FSTL5: variants seen among roughly 807,000 people sequenced by gnomAD.
FSTL5 encodes follistatin-related protein 5.
In FSTL5, 62 loss-of-function variants were observed where a neutral mutation model predicts 89.1. The observed-to-expected ratio is 0.70, with a 90% CI of 0.57 to 0.86. FSTL5 has a LOEUF of 0.86. Among genes scored for constraint, FSTL5 ranks in the 40% least tolerant of loss-of-function variants. The pLI is 0.00. For missense variants in FSTL5, 1,057 were observed against 1,001.6 expected, an observed-to-expected ratio of 1.06 and a Z score of -0.75; for synonymous variants, 383 against 346.2, an observed-to-expected ratio of 1.11 and a Z score of -1.18.
At chr4:161,516,694 T>A (rs1730847604) in intron 10 of FSTL5, among the ~76,000 whole-genome samples, 1 of 135,822 alleles carries the variant, frequency 7.4e-6, no homozygotes, top group Non-Finnish European at 1.5e-5. Context: ...TATAGTGAAT[T>A]TATTATATGT....
intron 3 of FSTL5, among the ~76,000 whole-genome samples, chr4:161,929,517 A>G (rs989505841): frequency 3.3e-5 from 5 of 151,588 alleles, no homozygotes; most frequent in Non-Finnish European, 7.4e-5. Flanking sequence ...GGGATTTTCA[A>G]TTGTGTGATA....
At chr4:161,648,261 A>G (rs1736218619) in intron 7 of FSTL5, among the ~76,000 whole-genome samples, 1 of 152,162 alleles carries the variant, frequency 6.6e-6, no homozygotes, top group African/African-American at 2.4e-5. Flanking sequence ...CAAAACTAAA[A>G]GAGCACCCTG....
intron 1 of FSTL5, among the ~76,000 whole-genome samples, chr4:162,162,021 T>A (rs1466562142): frequency 6.6e-6 from 1 of 152,076 alleles, no homozygotes; most frequent in Non-Finnish European, 1.5e-5. Flanking sequence ...TAATTTAAGA[T>A]CACATGACTG....
intron 6 of FSTL5, among the ~76,000 whole-genome samples, chr4:161,671,954 T>A (rs1225094281): frequency 6.6e-6 from 1 of 152,284 alleles, no homozygotes; most frequent in South Asian, 2.1e-4. Flanking sequence ...AGGAAAGCAA[T>A]CTGATTATCC....
At chr4:161,691,079 T>C (rs958175319) in intron 6 of FSTL5, among the ~76,000 whole-genome samples, 5 of 152,174 alleles carry the variant, frequency 3.3e-5, no homozygotes, top group African/African-American at 1.2e-4. Context: ...TTTTTTCTTT[T>C]ATCGCTCATG....
rs1200774736 is a variant in FSTL5, at chr4:161,649,895, T to C, written c.894+6433A>G. ...AACTGGAATACAGATTGATGGAATA[T>C]AGTTTGATGGCTGGAGCTCCAGCAG... On this transcript the variant is annotated intron_variant, in intron 7 of 15. Coordinates refer to ENST00000306100, the MANE Select transcript of FSTL5 (RefSeq NM_020116.5). Among the ~76,000 whole-genome samples, 3 of 152,190 alleles carry C rather than the reference T, an allele frequency of 2.0e-5. No individual in the cohort carries two copies. In the South Asian group the frequency reaches 6.2e-4, roughly 31 times the overall value.
chr4:161,673,991 T>C (rs1737214162), intron 6 of FSTL5, among the ~76,000 whole-genome samples: 1 of 152,006 alleles, frequency 6.6e-6, no homozygotes, highest in Admixed American at 6.6e-5. Context: ...CTTTATTACA[T>C]ATAAAATTGT....
chr4:161,935,328 A>G lies in FSTL5; in HGVS notation c.161-14676T>C, dbSNP rs530462468. 3.3e-5 allele frequency among the ~76,000 whole-genome samples: 5 copies of G among 152,186 alleles called. No homozygotes were observed. In the East Asian group the frequency reaches 9.7e-4, roughly 29 times the overall value. ...CCAACTTATTCTCTGTGTTAGGTAC[A>G]CAACATCAGTGATGCAGAATCTTTG... is the stretch of plus-strand genomic sequence containing the variant. On this transcript the variant is annotated intron_variant, in intron 3 of 15. Transcript: ENST00000306100.
At chr4:162,138,475 A>C (rs13101625) in intron 1 of FSTL5, among the ~76,000 whole-genome samples, 31,018 of 151,998 alleles carry the variant, frequency 0.2, 3,315 homozygotes, top group East Asian at 0.36. Flanking sequence ...ATAGAAGGAA[A>C]ATCCTTAATC....
At chr4:162,050,959 T>C (rs965461918) in intron 2 of FSTL5, among the ~76,000 whole-genome samples, 4 of 151,558 alleles carry the variant, frequency 2.6e-5, no homozygotes, top group Non-Finnish European at 5.9e-5. Flanking sequence ...AAATAAAACC[T>C]AATGTAACAA....
intron 2 of FSTL5, among the ~76,000 whole-genome samples, chr4:162,066,583 G>GC (rs1377612095): frequency 3.8e-4 from 17 of 44,704 alleles, no homozygotes; most frequent in African/African-American, 1.5e-3. Flanking sequence ...CCCTCCCCTT[G>GC]CCCCCCCACC....
intron 10 of FSTL5, among the ~76,000 whole-genome samples, chr4:161,516,507 A>G (rs955634786): frequency 6.8e-6 from 1 of 147,624 alleles, no homozygotes; most frequent in African/African-American, 2.5e-5. Context: ...AATTTATTAT[A>G]TATATACACA....
At chr4:161,992,929 T>TAC (rs1390254395) in intron 3 of FSTL5, among the ~76,000 whole-genome samples, 45 of 7,808 alleles carry the variant, frequency 5.8e-3, no homozygotes, top group African/African-American at 9.2e-3. Flanking sequence ...TATATATGTG[T>TAC]GTATATATAT....
intron 4 of FSTL5, among the ~76,000 whole-genome samples, chr4:161,906,593 G>A (rs956060000): frequency 2.6e-5 from 4 of 152,062 alleles, no homozygotes; most frequent in Admixed American, 6.6e-5. Flanking sequence ...TCTCAAAGAC[G>A]GATGAAATGG....
At position 161,529,633 on chromosome 4, in the gene FSTL5, A is replaced by G. The variant is rs188705454; in HGVS notation, c.1312+8533T>C. On this transcript the variant is annotated intron_variant, in intron 10 of 15. Transcript: ENST00000306100. Reference sequence around the variant, plus strand: ...TATAATTAGTATATATTCTCTATAGAATTATATTTAATAAAATATATGAAA... The same window carrying G: ...TATAATTAGTATATATTCTCTATAGGATTATATTTAATAAAATATATGAAA... Among the ~76,000 whole-genome samples the G allele has an allele frequency of 8.5e-5, 12 of 141,992 alleles. 1 individual carries two copies. Among genetic ancestry groups the G allele is most frequent in the African/African-American group, 3.0e-4 (12 of 40,056 alleles). The allele number at this position is 141,992 out of a possible 152,430, so 93.2% of individuals were successfully genotyped here. A position where few individuals can be genotyped will look rare whatever the true frequency, so the allele number is the denominator to read the frequency against.
intron 3 of FSTL5, among the ~76,000 whole-genome samples, chr4:161,974,467 T>A (rs1322029104): frequency 5.2e-5 from 7 of 135,764 alleles, no homozygotes; most frequent in Non-Finnish European, 7.9e-5. Flanking sequence ...AACTATCTGA[T>A]CTTTGACAAA....
chr4:161,954,595 C>A (rs1346958144), intron 3 of FSTL5, among the ~76,000 whole-genome samples: 4 of 151,584 alleles, frequency 2.6e-5, no homozygotes, highest in African/African-American at 7.2e-5. Flanking sequence ...TATGTATTTA[C>A]ATGTGTATAT....
intron 4 of FSTL5, among the ~76,000 whole-genome samples, chr4:161,809,407 T>A (rs1730073371): frequency 6.6e-6 from 1 of 152,206 alleles, no homozygotes; most frequent in Non-Finnish European, 1.5e-5. Flanking sequence ...ATGAAGCTGC[T>A]ATGGAAAAGA....
chr4:161,891,477 T>C (rs1399634374), intron 4 of FSTL5, among the ~76,000 whole-genome samples: 1 of 152,108 alleles, frequency 6.6e-6, no homozygotes, highest in Non-Finnish European at 1.5e-5. Context: ...GTTTCAAATA[T>C]ATATTTCACT....
Sources: gnomAD v4.1 joint callset for allele counts (sites outside exome capture counted in the v4.1 genomes callset) on GRCh38, gnomAD v4.1.1 for gene constraint, MANE v1.5 for transcripts, NCBI Gene and HGNC (gene_info 2026-07-23, HGNC 2026-07-21) for gene names.